PDK1: variants seen among roughly 807,000 people sequenced by gnomAD.
PDK1 encodes the protein pyruvate dehydrogenase kinase 1, also known as [Pyruvate dehydrogenase (acetyl-transferring)] kinase isozyme 1, mitochondrial.
In PDK1, 39 loss-of-function variants were observed where a neutral mutation model predicts 54.2. That is an observed-to-expected ratio of 0.72 (90% CI 0.56 to 0.94). PDK1 has a LOEUF of 0.94. Among genes scored for constraint, PDK1 ranks in the 40% least tolerant of loss-of-function variants. The probability of loss-of-function intolerance (pLI) is 0.00; values close to 1 mark genes in which losing one functional copy is unlikely to be tolerated. For synonymous variants in PDK1, 221 were observed against 207.1 expected, an observed-to-expected ratio of 1.07 and a Z score of -0.58; for missense variants, 552 against 566.0, an observed-to-expected ratio of 0.98 and a Z score of 0.25.
At chr2:172,592,784 T>C (rs915712365) in intron 9 of PDK1, 151 bp from the exon 10 acceptor site, 3 of 417,056 alleles carry the variant, frequency 7.2e-6, no homozygotes, top group Non-Finnish European at 1.3e-5. Flanking sequence ...TTAATCATTG[T>C]CAATGCTTAA....
chr2:172,622,742 G>A, the PDK1 span, among the ~76,000 whole-genome samples: 1 of 145,198 alleles, frequency 6.9e-6, no homozygotes. Context: ...CATATTATGT[G>A]AGATATGTTT....
chr2:172,709,860 T>C, the PDK1 span, among the ~76,000 whole-genome samples: 2 of 152,206 alleles, frequency 1.3e-5, no homozygotes, highest in Admixed American at 6.5e-5. Flanking sequence ...GCAATGGTAG[T>C]ATGGTCTTCT....
chr2:172,626,851 T>C, the PDK1 span, among the ~76,000 whole-genome samples: 1 of 151,678 alleles, frequency 6.6e-6, no homozygotes, highest in African/African-American at 2.4e-5. Flanking sequence ...CAAGATAAAC[T>C]AATTTACAGA....
At chr2:172,621,785 CAT>C in the PDK1 span, among the ~76,000 whole-genome samples, 60 of 146,396 alleles carry the variant, frequency 4.1e-4, 1 homozygote, top group African/African-American at 8.8e-4. Context: ...GTTTATATCT[CAT>C]ATGTATGATA....
chr2:172,677,056 A>G, the PDK1 span: 1 of 152,254 alleles, frequency 6.6e-6, no homozygotes, highest in South Asian at 2.1e-4. Flanking sequence ...TTTTAAATAC[A>G]TAATGCTTCT....
chr2:172,724,084 T>A, the PDK1 span: 1 of 152,220 alleles, frequency 6.6e-6, no homozygotes, highest in Non-Finnish European at 1.5e-5. Flanking sequence ...AGGGAATATG[T>A]ATTCTCTTTA....
chr2:172,601,328 T>C lies in PDK1; in HGVS notation c.*5359T>C, dbSNP rs1388407246. ...TACGGGTTTATTTTAAAGTTTAAAA[T>C]AGAAGTAAACAAGCAAACATACTGA... On this transcript the variant is annotated 3_prime_UTR_variant, in exon 11 of 11. Transcript: ENST00000282077. The C allele has an allele frequency of 6.6e-6, 1 of 152,122 alleles. No individual in the cohort carries two copies. Among genetic ancestry groups the C allele is most frequent in the Admixed American group, 6.5e-5 (1 of 15,288 alleles). The allele number at this position is 152,122 out of a possible 1,614,324, so 9.4% of individuals were successfully genotyped here.
At chr2:172,621,889 C>CCT in the PDK1 span, among the ~76,000 whole-genome samples, 3 of 140,932 alleles carry the variant, frequency 2.1e-5, no homozygotes, top group Non-Finnish European at 4.6e-5. Context: ...GTTTATATCT[C>CCT]ATATGTATGA....
chr2:172,632,119 CA>C, the PDK1 span, among the ~76,000 whole-genome samples: 1 of 151,718 alleles, frequency 6.6e-6, no homozygotes. Context: ...ACTAAAAATA[CA>C]AAAATTAGCT....
chr2:172,624,616 G>A, the PDK1 span, among the ~76,000 whole-genome samples: 1 of 152,138 alleles, frequency 6.6e-6, no homozygotes, highest in Admixed American at 6.6e-5. Flanking sequence ...CATTTGAGTG[G>A]AGATGCTGGG....
intron 8 of PDK1, among the ~76,000 whole-genome samples, chr2:172,581,534 C>G (rs1689909852): frequency 6.6e-6 from 1 of 152,156 alleles, no homozygotes; most frequent in African/African-American, 2.4e-5. Context: ...TTGTAAAGGT[C>G]TCAAAAAGAC....
At chr2:172,681,166 T>C in the PDK1 span, among the ~76,000 whole-genome samples, 67 of 152,194 alleles carry the variant, frequency 4.4e-4, no homozygotes, top group African/African-American at 1.5e-3. Context: ...CTAGGCACTG[T>C]ATTTAATTTA....
At chr2:172,630,063 T>C in the PDK1 span, among the ~76,000 whole-genome samples, 1 of 152,238 alleles carries the variant, frequency 6.6e-6, no homozygotes, top group African/African-American at 2.4e-5. Flanking sequence ...AGAAGCCTAC[T>C]ACTCCCCAAC....
downstream of PDK1, among the ~76,000 whole-genome samples, chr2:172,609,520 C>A (rs184861519): frequency 8.7e-4 from 133 of 152,260 alleles, no homozygotes; most frequent in South Asian, 1.9e-3. Context: ...CTGCTGCAGG[C>A]ACAAAGCTAT....
chr2:172,653,070 A>G, the PDK1 span, among the ~76,000 whole-genome samples: 1 of 152,224 alleles, frequency 6.6e-6, no homozygotes, highest in Non-Finnish European at 1.5e-5. Context: ...ACTTCAAACT[A>G]TACTACAAGG....
intron 8 of PDK1, 26 bp downstream of exon 8, chr2:172,570,850 C>A: frequency 4.1e-5 from 41 of 999,258 alleles, no homozygotes; most frequent in Non-Finnish European, 5.1e-5. Context: ...GGTTTGTTTT[C>A]TTTTTTTTTT....
At chr2:172,592,289 C>G (rs1050380948) in intron 9 of PDK1, among the ~76,000 whole-genome samples, 4 of 152,110 alleles carry the variant, frequency 2.6e-5, no homozygotes, top group African/African-American at 9.7e-5. Context: ...TTTTTCTTTA[C>G]TACTTCTATC....
chr2:172,556,293 T>G lies in PDK1; in HGVS notation c.143T>G (p.Phe48Cys). 6.6e-7 allele frequency: 1 copy of G among 1,511,116 alleles called. No homozygotes were observed. 93.6% of individuals were successfully genotyped at this position (1,511,116 alleles called of 1,614,324 possible). Reference sequence around the variant, plus strand: ...CGCGGCGTTCCGGGCCAGGTGGACTTCTACGCGCGCTTCTCGCCGTCCCCG... The same window carrying G: ...CGCGGCGTTCCGGGCCAGGTGGACTGCTACGCGCGCTTCTCGCCGTCCCCG... ...SERGVPGQVD[F>C]YARFSPSPLS... Residue 48 changes from phenylalanine (F) to cysteine (C), a missense_variant, in exon 1 of 11, where the codon TTC becomes TGC. By Grantham distance (205) the Phe-to-Cys change is radical. Transcript: ENST00000282077.
At chr2:172,609,713 C>G (rs1417583047), downstream of PDK1, among the ~76,000 whole-genome samples, 1 of 152,222 alleles carries the variant, frequency 6.6e-6, no homozygotes, top group Non-Finnish European at 1.5e-5. Context: ...TTTGTACTTG[C>G]AGTATTGTCC....
Sources: gnomAD v4.1 joint callset for allele counts (sites outside exome capture counted in the v4.1 genomes callset) on GRCh38, gnomAD v4.1.1 for gene constraint, MANE v1.5 for transcripts, NCBI Gene and HGNC (gene_info 2026-07-23, HGNC 2026-07-21) for gene names.